TMEM238: variants seen among roughly 807,000 people sequenced by gnomAD.
TMEM238 encodes the protein transmembrane protein 238.
For synonymous variants in TMEM238, 103 were observed against 111.5 expected, an observed-to-expected ratio of 0.92 and a Z score of 0.48; for missense variants, 169 against 206.8, an observed-to-expected ratio of 0.82 and a Z score of 1.12.
At chr19:55,381,326 G>A (rs953071496) in intron 1 of TMEM238, among the ~76,000 whole-genome samples, 2 of 141,108 alleles carry the variant, frequency 1.4e-5, no homozygotes, top group African/African-American at 5.3e-5. Context: ...GCTGAGGCAA[G>A]AGAATTGCTT....
Position 55,384,014 on chromosome 19 carries a change from G to A in TMEM238, c.246C>T (p.Ser82=). 1 of 1,477,590 alleles carries A rather than the reference G, an allele frequency of 6.8e-7. No individual in the cohort carries two copies. The highest frequency in any genetic ancestry group is 9.0e-7 in the Non-Finnish European group (1 of 1,111,928). 91.5% of individuals were successfully genotyped at this position (1,477,590 alleles called of 1,614,324 possible). A position where few individuals can be genotyped will look rare whatever the true frequency, so the allele number is the denominator to read the frequency against. Residue 82 remains serine, a synonymous_variant, in exon 1 of 2, where the codon AGC becomes AGT. Coordinates refer to ENST00000444469, the MANE Select transcript of TMEM238 (RefSeq NM_001190764.2). The surrounding 1 kb of genome is among the most constrained non-coding windows in gnomAD (Gnocchi z 5.6). ...TGTACCAGAGGATCCAGCCCAGCAG[G>A]CTCAGGAACACCAGCAGCGCGCCCG... The part of the protein sequence containing the change: ...IYSGALLVFL[S]LLGWILWYTG...
intron 1 of TMEM238, 72 bp from the exon 2 acceptor site, chr19:55,379,439 C>CG (rs2089875542): frequency 6.6e-6 from 1 of 152,222 alleles, no homozygotes; most frequent in African/African-American, 2.4e-5. Context: ...TCTCTGCCTG[C>CG]GGGGGCAGAG....
Position 55,384,247 on chromosome 19 carries a change from GCGC to G in TMEM238, c.10_12del (p.Ala4del). On this transcript the variant is annotated inframe_deletion, in exon 1 of 2. Transcript: ENST00000444469. This position sits in a 1 kb window ranked among gnomAD's most constrained non-coding sequence, Gnocchi z 5.6. The stretch of plus-strand genomic sequence containing the variant: ...CTCCCCTGCGAGGCGCACACCGCTG[GCGC>G]CGCCGCCATGGCCCTGCACCGCCGC... 1 of 1,101,384 alleles carries G rather than the reference GCGC, an allele frequency of 9.1e-7. No homozygotes were observed. Among genetic ancestry groups the G allele is most frequent in the East Asian group, 5.6e-5 (1 of 17,722 alleles). 68.2% of individuals were successfully genotyped at this position (1,101,384 alleles called of 1,614,324 possible).
In TMEM238 at chr19:55,384,098, G is replaced by A. The variant is rs2123265948; in HGVS notation, c.162C>T (p.Thr54=). The change falls in exon 1 of 2, where the codon ACC becomes ACT. Residue 54 remains threonine, a synonymous_variant. Coordinates refer to ENST00000444469, the MANE Select transcript of TMEM238 (RefSeq NM_001190764.2). The surrounding 1 kb of genome is among the most constrained non-coding windows in gnomAD (Gnocchi z 5.6). ...LDVAGMAALL[T]GVFAQLQVRG... ...GCACCTGCAGCTGCGCGAACACGCC[G>A]GTCAGCAGCGCCGCCATGCCCGCCA... 1.4e-6 allele frequency: 2 copies of A among 1,462,358 alleles called. No individual in the cohort carries two copies. Among genetic ancestry groups the A allele is most frequent in the African/African-American group, 1.5e-5 (1 of 68,910 alleles). The allele number at this position is 1,462,358 out of a possible 1,614,324, so 90.6% of individuals were successfully genotyped here.
rs1409410304 is a variant in TMEM238, at chr19:55,384,243, G to T, written c.17C>A (p.Ala6Glu). ...CGGGCTCCCCTGCGAGGCGCACACC[G>T]CTGGCGCCGCCGCCATGGCCCTGCA... Reference protein sequence around the residue: MAAAPAVCASQGSPPG... With the variant: MAAAPEVCASQGSPPG... The change falls in exon 1 of 2, where the codon GCG becomes GAG. Residue 6 changes from alanine to glutamate, a missense_variant. Transcript: ENST00000444469. The surrounding 1 kb of genome is among the most constrained non-coding windows in gnomAD (Gnocchi z 5.6). 1.7e-5 allele frequency: 19 copies of T among 1,104,236 alleles called. No homozygotes were observed. The highest frequency in any genetic ancestry group is 1.9e-5 in the Non-Finnish European group (17 of 908,454). 68.4% of individuals were successfully genotyped at this position (1,104,236 alleles called of 1,614,324 possible).
At position 55,383,070 on chromosome 19, in the gene TMEM238, A is replaced by G. The variant is rs545340262; in HGVS notation, c.*7+652T>C. On this transcript the variant is annotated intron_variant, in intron 1 of 1. Transcript: ENST00000444469. The surrounding 1 kb of genome is among the most constrained non-coding windows in gnomAD (Gnocchi z 4.9). ...AGTAGTGACCTTGGAGACCAGTTAC[A>G]TGGAGAGGATTAAATGGGGCCTGGT... Among the ~76,000 whole-genome samples, 2 of 152,350 alleles carry G rather than the reference A, an allele frequency of 1.3e-5. No homozygotes were observed. The highest frequency in any genetic ancestry group is 4.1e-4 in the South Asian group (2 of 4,830).
At position 55,383,661 on chromosome 19, in the gene TMEM238, C is replaced by G; in HGVS notation, c.*7+61G>C. ...ATCTGTCCATCGCTCCCCCGTCTGT[C>G]TCCATTCCCGTCCCTCCCTCGGTCC... On this transcript the variant is annotated intron_variant, in intron 1 of 1. Coordinates refer to ENST00000444469, the MANE Select transcript of TMEM238 (RefSeq NM_001190764.2). The surrounding 1 kb of genome is among the most constrained non-coding windows in gnomAD (Gnocchi z 4.9). 4.1e-6 allele frequency: 1 copy of G among 242,514 alleles called. No individual in the cohort carries two copies. Among genetic ancestry groups the G allele is most frequent in the Non-Finnish European group, 8.1e-6 (1 of 124,096 alleles). The allele number at this position is 242,514 out of a possible 1,614,324, so 15.0% of individuals were successfully genotyped here.
rs1381174131 is a variant in TMEM238, at chr19:55,383,743, C to G, written c.517G>C (p.Ala173Pro). 2 of 257,450 alleles carry G rather than the reference C, an allele frequency of 7.8e-6. No homozygotes were observed. The highest frequency in any genetic ancestry group is 1.5e-5 in the Non-Finnish European group (2 of 136,822). The allele number at this position is 257,450 out of a possible 1,614,324, so 15.9% of individuals were successfully genotyped here. Residue 173 changes from alanine (A) to proline (P), a missense_variant, in exon 1 of 2, where the codon GCG becomes CCG. By Grantham distance (27) the Ala-to-Pro change is conservative (BLOSUM62 -1). Coordinates refer to ENST00000444469, the MANE Select transcript of TMEM238 (RefSeq NM_001190764.2). The surrounding 1 kb of genome is among the most constrained non-coding windows in gnomAD (Gnocchi z 4.9). ...TLEAGPGAAG[A>P]GSE ...TCACCTGGGCCTCACTCGCTGCCCG[C>G]GCCCGCCGCCCCGGGCCCGGCCTCG... is the stretch of plus-strand genomic sequence containing the variant.
At position 55,383,846 on chromosome 19, in the gene TMEM238, C is replaced by T; in HGVS notation, c.414G>A (p.Arg138=). 1 of 827,456 alleles carries T rather than the reference C, an allele frequency of 1.2e-6. No individual in the cohort carries two copies. Among genetic ancestry groups the T allele is most frequent in the Non-Finnish European group, 1.5e-6 (1 of 686,054 alleles). 51.3% of individuals were successfully genotyped at this position (827,456 alleles called of 1,614,324 possible). The change falls in exon 1 of 2, where the codon CGG becomes CGA. Residue 138 remains arginine, a synonymous_variant. Coordinates refer to ENST00000444469, the MANE Select transcript of TMEM238 (RefSeq NM_001190764.2). This position sits in a 1 kb window ranked among gnomAD's most constrained non-coding sequence, Gnocchi z 4.9. ...GCGCGCGGGCGGCTCGGCGCGCTCT[C>T]CGGGAGCCGGGCGCGGGGCGCTGGC... ...AAGQRPAPGS[R]RARRAARAPP...
At position 55,383,138 on chromosome 19, in the gene TMEM238, G is replaced by A. The variant is rs1438403123; in HGVS notation, c.*7+584C>T. Among the ~76,000 whole-genome samples, 1 of 152,242 alleles carries A rather than the reference G, an allele frequency of 6.6e-6. No individual in the cohort carries two copies. Among genetic ancestry groups the A allele is most frequent in the African/African-American group, 2.4e-5 (1 of 41,456 alleles). On this transcript the variant is annotated intron_variant, in intron 1 of 1. Transcript: ENST00000444469. The surrounding 1 kb of genome is among the most constrained non-coding windows in gnomAD (Gnocchi z 4.9). ...CGCCTGTAATCCCAGCACTTTGGGAGGCTGAGGAGAGCAAATCGCATGAGC... is the reference window on the plus strand; with the variant it reads ...CGCCTGTAATCCCAGCACTTTGGGAAGCTGAGGAGAGCAAATCGCATGAGC...
intron 1 of TMEM238, among the ~76,000 whole-genome samples, chr19:55,382,622 C>T (rs984633017): frequency 6.6e-6 from 1 of 152,068 alleles, no homozygotes; most frequent in African/African-American, 2.4e-5. Flanking sequence ...TAAGAGACAC[C>T]ATTAGTGCAG....
Position 55,383,569 on chromosome 19 carries a change from G to A in TMEM238, c.*7+153C>T, listed in dbSNP as rs1600296036. On this transcript the variant is annotated intron_variant, in intron 1 of 1. Coordinates refer to ENST00000444469, the MANE Select transcript of TMEM238 (RefSeq NM_001190764.2). The surrounding 1 kb of genome is among the most constrained non-coding windows in gnomAD (Gnocchi z 4.9). ...TTGCTGTGTCTGCGGTTCTCCGCCA[G>A]AGCCTTCCCGTCCCTGTCTCCACCC... Among the ~76,000 whole-genome samples the A allele has an allele frequency of 1.3e-5, 2 of 152,202 alleles. No homozygotes were observed. Among genetic ancestry groups the A allele is most frequent in the East Asian group, 3.9e-4 (2 of 5,156 alleles).
At chr19:55,379,536 G>C (rs1418997021) in intron 1 of TMEM238, among the ~76,000 whole-genome samples, 169 bp from the exon 2 acceptor site, 1 of 152,180 alleles carries the variant, frequency 6.6e-6, no homozygotes, top group Non-Finnish European at 1.5e-5. Flanking sequence ...TTTGCTGAGT[G>C]TGTGCATGCG....
intron 1 of TMEM238, among the ~76,000 whole-genome samples, chr19:55,380,296 C>G (rs1600294368): frequency 2.5e-5 from 1 of 39,774 alleles, no homozygotes; most frequent in Non-Finnish European, 4.7e-5. Context: ...TCCCCCCTTC[C>G]CCCCTCCCCT....
rs1468837827 is a variant in TMEM238 at position 55,383,924 on chromosome 19, G to C, written c.336C>G (p.Leu112=). 2 of 1,268,270 alleles carry C rather than the reference G, an allele frequency of 1.6e-6. No homozygotes were observed. The highest frequency in any genetic ancestry group is 2.0e-6 in the Non-Finnish European group (2 of 990,378). 78.6% of individuals were successfully genotyped at this position (1,268,270 alleles called of 1,614,324 possible). A position where few individuals can be genotyped will look rare whatever the true frequency, so the allele number is the denominator to read the frequency against. The change falls in exon 1 of 2, where the codon CTC becomes CTG. Residue 112 remains leucine, a synonymous_variant. Transcript: ENST00000444469. This position sits in a 1 kb window ranked among gnomAD's most constrained non-coding sequence, Gnocchi z 4.9. ...ERDYGLRPSA[L]ARLARKLSRR... Reference sequence around the variant, plus strand: ...GGGAGAGCTTGCGCGCCAGGCGGGCGAGCGCCGAGGGCCGCAGGCCGTAGT... The same window carrying C: ...GGGAGAGCTTGCGCGCCAGGCGGGCCAGCGCCGAGGGCCGCAGGCCGTAGT...
intron 1 of TMEM238, among the ~76,000 whole-genome samples, chr19:55,382,915 C>T (rs2089892051): frequency 6.6e-6 from 1 of 152,276 alleles, no homozygotes. Flanking sequence ...AGGAGAATCC[C>T]AGCTCCTCTT....
chr19:55,380,021 G>C (rs1181384139), intron 1 of TMEM238, among the ~76,000 whole-genome samples: 1 of 151,872 alleles, frequency 6.6e-6, no homozygotes, highest in Non-Finnish European at 1.5e-5. Flanking sequence ...GGTGGTCTCG[G>C]AGGTTGTGGG....
Position 55,383,156 on chromosome 19 carries a change from G to A in TMEM238, c.*7+566C>T, listed in dbSNP as rs888137189. ...TTTGGGAGGCTGAGGAGAGCAAATC[G>A]CATGAGCTCAGGAGGTGGGGACCAA... On this transcript the variant is annotated intron_variant, in intron 1 of 1. Transcript: ENST00000444469. This position sits in a 1 kb window ranked among gnomAD's most constrained non-coding sequence, Gnocchi z 4.9. Among the ~76,000 whole-genome samples, 11 of 152,234 alleles carry A rather than the reference G, an allele frequency of 7.2e-5. No homozygotes were observed. The highest frequency in any genetic ancestry group is 2.4e-4 in the African/African-American group (10 of 41,540).
intron 1 of TMEM238, among the ~76,000 whole-genome samples, chr19:55,382,000 A>C (rs1244881665): frequency 6.6e-6 from 1 of 151,732 alleles, no homozygotes; most frequent in Non-Finnish European, 1.5e-5. Flanking sequence ...TGCATCAACC[A>C]ACCCATGTAT....
Sources: allele counts gnomAD v4.1 joint callset (sites outside exome capture counted in the v4.1 genomes callset), GRCh38; gene constraint gnomAD v4.1.1; non-coding constraint Gnocchi (gnomAD v3.1); transcripts MANE v1.5; gene names NCBI Gene and HGNC (gene_info 2026-07-23, HGNC 2026-07-21).